The following FAM135A variants were observed in gnomAD, a reference collection of about 807,000 sequenced individuals.
FAM135A encodes family with sequence similarity 135 member A, also known as protein FAM135A.
FAM135A carries 79 observed loss-of-function variants against 146.8 expected under a neutral mutation model. The observed-to-expected ratio is 0.54, with a 90% confidence interval of 0.45 to 0.65. The LOEUF (loss-of-function observed/expected upper bound fraction) is 0.65. FAM135A is among the 30% of genes least tolerant of loss of function. The pLI is 0.00. For missense variants in FAM135A, 1,623 were observed against 1,758.2 expected (o/e 0.92, Z 1.38); for synonymous variants, 562 against 603.6 (o/e 0.93, Z 1.01).
chr6:70,515,870 G>A (rs1792074039), intron 12 of FAM135A, among the ~76,000 whole-genome samples: 1 of 151,938 alleles, frequency 6.6e-6, no homozygotes, highest in Non-Finnish European at 1.5e-5. Flanking sequence ...GGGCAATATG[G>A]AAACTCTTCG....
rs1205511870 is a variant in FAM135A at position 70,525,806 on chromosome 6, G to A, written c.2722G>A (p.Val908Ile). 4 of 1,613,118 alleles carry A rather than the reference G, an allele frequency of 2.5e-6. No homozygotes were observed. The highest frequency in any genetic ancestry group is 2.2e-5 in the East Asian group (1 of 44,854). Residue 908 changes from valine to isoleucine, a missense_variant, in exon 15 of 22, where the codon GTA becomes ATA. By Grantham distance (29) the Val-to-Ile change is conservative. Coordinates refer to ENST00000418814, the MANE Select transcript of FAM135A (RefSeq NM_001162529.3). ...VFSGNLDNET[V>I]AIHSLNSSIK... ...TTCAGGGAACTTGGACAATGAAACT[G>A]TAGCAATACATTCCTTAAATTCAAG...
intron 4 of FAM135A, among the ~76,000 whole-genome samples, chr6:70,432,294 T>C (rs1458414230): frequency 6.6e-6 from 1 of 152,160 alleles, no homozygotes; most frequent in African/African-American, 2.4e-5. Flanking sequence ...AAAGAGCATC[T>C]CTTTCTCTTA....
chr6:70,455,499 C>T (rs1412161371), intron 5 of FAM135A, among the ~76,000 whole-genome samples: 2 of 152,008 alleles, frequency 1.3e-5, no homozygotes, highest in Non-Finnish European at 2.9e-5. Flanking sequence ...TTATTCTTCG[C>T]TTGGCATACA....
intron 4 of FAM135A, among the ~76,000 whole-genome samples, chr6:70,436,885 A>G (rs1469290758): frequency 6.6e-6 from 1 of 152,230 alleles, no homozygotes; most frequent in Non-Finnish European, 1.5e-5. Flanking sequence ...TGTGGGAAAA[A>G]AAAACTACTA....
intron 16 of FAM135A, among the ~76,000 whole-genome samples, chr6:70,529,627 A>T (rs553502638): frequency 6.6e-6 from 1 of 152,286 alleles, no homozygotes; most frequent in South Asian, 2.1e-4. Context: ...CCTATGTTAC[A>T]TAAATTGTTC....
chr6:70,513,529 C>A (rs1483203887), intron 12 of FAM135A, among the ~76,000 whole-genome samples: 1 of 151,398 alleles, frequency 6.6e-6, no homozygotes, highest in Non-Finnish European at 1.5e-5. Flanking sequence ...ATCTAGCTCC[C>A]CTTTTATTTA....
chr6:70,514,948 T>C (rs1791867814), intron 12 of FAM135A, among the ~76,000 whole-genome samples: 1 of 152,206 alleles, frequency 6.6e-6, no homozygotes, highest in African/African-American at 2.4e-5. Flanking sequence ...GAAACTATCT[T>C]ATCAGAGCTT....
At chr6:70,486,056 C>A in intron 10 of FAM135A, 1 of 677,446 alleles carries the variant, frequency 1.5e-6, no homozygotes. Flanking sequence ...AATTAACTAA[C>A]TGCACTATCA....
rs763962018 is a variant in FAM135A, at chr6:70,525,550, T to C, written c.2466T>C (p.His822=). 2 of 1,613,082 alleles carry C rather than the reference T, an allele frequency of 1.2e-6. No individual in the cohort carries two copies. The highest frequency in any genetic ancestry group is 1.7e-6 in the Non-Finnish European group (2 of 1,179,590). The change falls in exon 15 of 22, where the codon CAT becomes CAC. Residue 822 remains histidine, a synonymous_variant. Coordinates refer to ENST00000418814, the MANE Select transcript of FAM135A (RefSeq NM_001162529.3). ...DYNVKFSLGN[H]CTESTSAISE... ...ATGTAAAATTTTCATTAGGAAATCA[T>C]TGTACTGAGAGTACAAGTGCTATAA...
chr6:70,533,207 T>A lies in FAM135A; in HGVS notation c.3823T>A (p.Leu1275Met), dbSNP rs765490943. 2 of 1,613,398 alleles carry A rather than the reference T, an allele frequency of 1.2e-6. No homozygotes were observed. The highest frequency in any genetic ancestry group is 8.5e-7 in the Non-Finnish European group (1 of 1,179,624). Residue 1275 changes from leucine to methionine, a missense_variant, in exon 17 of 22, where the codon TTG becomes ATG. Transcript: ENST00000418814. ...RLVKTYIELG[L>M]PGGRIDFLMS... is the part of the protein sequence containing the mutation. ...AGTAAAAACTTACATTGAACTTGGA[T>A]TGCCTGGGGGAAGAATTGATTTTCT...
chr6:70,550,737 C>G (rs954131034), intron 20 of FAM135A, among the ~76,000 whole-genome samples: 5 of 152,182 alleles, frequency 3.3e-5, no homozygotes, highest in Admixed American at 2.0e-4. Flanking sequence ...AGTCAGCTTG[C>G]CCTTTGAAGC....
chr6:70,558,851 A>G (rs1448055141), intron 21 of FAM135A, among the ~76,000 whole-genome samples: 2 of 152,082 alleles, frequency 1.3e-5, no homozygotes, highest in African/African-American at 4.8e-5. Flanking sequence ...AAATAAGGAG[A>G]GAGGAACACA....
In FAM135A at chr6:70,525,373, C is replaced by T. The variant is rs1423530387; in HGVS notation, c.2289C>T (p.Ala763=). The T allele has an allele frequency of 6.2e-7, 1 of 1,613,640 alleles. No homozygotes were observed. The highest frequency in any genetic ancestry group is 8.5e-7 in the Non-Finnish European group (1 of 1,179,682). The change falls in exon 15 of 22, where the codon GCC becomes GCT. Residue 763 remains alanine, a synonymous_variant. Coordinates refer to ENST00000418814, the MANE Select transcript of FAM135A (RefSeq NM_001162529.3). ...TACCAGATATTAGTGCCACATATGC[C>T]TCATCTAGATTTTCAGATTCAGGTG... is the stretch of plus-strand genomic sequence containing the variant. ...IKLPDISATY[A]SSRFSDSGVE...
chr6:70,458,731 C>G (rs777135501), intron 5 of FAM135A, among the ~76,000 whole-genome samples: 1 of 152,102 alleles, frequency 6.6e-6, no homozygotes, highest in African/African-American at 2.4e-5. Flanking sequence ...TTATGACATG[C>G]GTCTCACAAG....
rs1333165262 is a variant in FAM135A, at chr6:70,533,263, C to T, written c.3867+12C>T. 1 of 1,591,508 alleles carries T rather than the reference C, an allele frequency of 6.3e-7. No individual in the cohort carries two copies. The highest frequency in any genetic ancestry group is 1.3e-5 in the African/African-American group (1 of 74,116). ...CTGAGAGAAATCAGGTACAATATGACAGTGTTTTCAGTGAAAACAAACATT... is the reference window on the plus strand; with the variant it reads ...CTGAGAGAAATCAGGTACAATATGATAGTGTTTTCAGTGAAAACAAACATT... On this transcript the variant is annotated intron_variant, in intron 17 of 21. Transcript: ENST00000418814.
chr6:70,479,284 A>G (rs1054036461), intron 8 of FAM135A, among the ~76,000 whole-genome samples: 1 of 152,164 alleles, frequency 6.6e-6, no homozygotes, highest in Non-Finnish European at 1.5e-5. Flanking sequence ...GCAACGCAGC[A>G]ATTTTTGCCA....
chr6:70,429,171 A>G (rs547903156), intron 4 of FAM135A, among the ~76,000 whole-genome samples: 7 of 152,326 alleles, frequency 4.6e-5, no homozygotes, highest in African/African-American at 1.7e-4. Context: ...GATTCAGTAC[A>G]GCCACATGAA....
chr6:70,455,380 A>G lies in FAM135A; in HGVS notation c.157+2809A>G, dbSNP rs1401440152. On this transcript the variant is annotated intron_variant, in intron 5 of 21. Transcript: ENST00000418814. Reference sequence around the variant, plus strand: ...CACAGAGGTCTGTTGCTTATGACAAATACACACACACACACACACACACAC... The same window carrying G: ...CACAGAGGTCTGTTGCTTATGACAAGTACACACACACACACACACACACAC... Among the ~76,000 whole-genome samples, 3 of 124,898 alleles carry G rather than the reference A, an allele frequency of 2.4e-5. No individual in the cohort carries two copies. In the East Asian group the frequency reaches 6.0e-4, roughly 25 times the overall value. The allele number at this position is 124,898 out of a possible 152,430, so 81.9% of individuals were successfully genotyped here. A position where few individuals can be genotyped will look rare whatever the true frequency, so the allele number is the denominator to read the frequency against.
chr6:70,550,376 A>C (rs1799600301), intron 20 of FAM135A, among the ~76,000 whole-genome samples: 1 of 152,260 alleles, frequency 6.6e-6, no homozygotes, highest in South Asian at 2.1e-4. Flanking sequence ...TAAGACTTGA[A>C]AGTCAAAATA....
Sources: allele counts gnomAD v4.1 joint callset (sites outside exome capture counted in the v4.1 genomes callset), GRCh38; gene constraint gnomAD v4.1.1; transcripts MANE v1.5; gene names NCBI Gene and HGNC (gene_info 2026-07-23, HGNC 2026-07-21).